The following MTFR1 variants were observed in gnomAD, a reference collection of about 807,000 sequenced individuals.
MTFR1 encodes the protein chondrocyte protein with a poly-proline region.
MTFR1 carries 28 observed loss-of-function variants against 38.8 expected under a neutral mutation model. The ratio of observed to expected loss-of-function variants is 0.72; its 90% confidence interval spans 0.53 to 0.99. The LOEUF (loss-of-function observed/expected upper bound fraction) is 0.99, where lower values mean the gene tolerates loss of function less well. Among genes scored for constraint, MTFR1 ranks in the 50% least tolerant of loss-of-function variants. The probability of loss-of-function intolerance (pLI) is 0.00; values close to 1 mark genes in which losing one functional copy is unlikely to be tolerated. For synonymous variants in MTFR1, 145 were observed against 137.0 expected (o/e 1.06, Z -0.41); for missense variants, 358 against 395.5 (o/e 0.91, Z 0.81).
chr8:65,732,697 G>C (rs770328620), intron 3 of MTFR1, among the ~76,000 whole-genome samples: 9 of 152,150 alleles, frequency 5.9e-5, no homozygotes, highest in Non-Finnish European at 8.8e-5. Context: ...ATTTTTTGTA[G>C]AGATGGGATC....
chr8:65,732,109 A>C (rs1410631134), intron 3 of MTFR1, among the ~76,000 whole-genome samples: 1 of 151,710 alleles, frequency 6.6e-6, no homozygotes, highest in African/African-American at 2.4e-5. Context: ...AGGGATTCTC[A>C]TGTCTCAGCC....
intron 3 of MTFR1, chr8:65,689,632 T>C: frequency 8.0e-7 from 1 of 1,257,294 alleles, no homozygotes; most frequent in South Asian, 1.3e-5. Context: ...AAACTTCCCA[T>C]GCATGTCGTG....
downstream of MTFR1, among the ~76,000 whole-genome samples, chr8:65,775,555 C>A (rs527381884): frequency 3.9e-5 from 6 of 152,286 alleles, no homozygotes; most frequent in Admixed American, 2.6e-4. Context: ...GGTGGCCAGG[C>A]CTTTTTGTTT....
Position 65,692,102 on chromosome 8 carries a change from A to G in MTFR1, c.166-1542A>G, listed in dbSNP as rs566236249. 2.5e-3 allele frequency among the ~76,000 whole-genome samples: 380 copies of G among 152,296 alleles called. 1 individual carries two copies. The highest frequency in any genetic ancestry group is 6.0e-3 in the Admixed American group (92 of 15,288). On this transcript the variant is annotated intron_variant, in intron 3 of 7. Coordinates refer to ENST00000262146, the MANE Select transcript of MTFR1 (RefSeq NM_014637.4). ...GGTAACCTTTTTGATAAACATATTA[A>G]TGACTGAATCTCTTTGGCCTTTTCA...
At chr8:65,684,632 G>T (rs968687621) in intron 3 of MTFR1, among the ~76,000 whole-genome samples, 5 of 151,468 alleles carry the variant, frequency 3.3e-5, no homozygotes, top group African/African-American at 1.2e-4. Context: ...TGATCCATCC[G>T]CCTCAGGCTC....
intron 1 of MTFR1, among the ~76,000 whole-genome samples, chr8:65,667,133 G>A (rs1055791343): frequency 2.0e-5 from 3 of 151,910 alleles, no homozygotes; most frequent in African/African-American, 4.8e-5. Context: ...AAAATTACCC[G>A]GACATGGTGG....
chr8:65,724,242 T>C (rs375232458), intron 3 of MTFR1: 103 of 1,532,658 alleles, frequency 6.7e-5, no homozygotes, highest in South Asian at 4.4e-4. Context: ...TATCACTCAA[T>C]ACTGTAACTT....
the MTFR1 span, among the ~76,000 whole-genome samples, chr8:65,778,198 GC>G: frequency 6.6e-6 from 1 of 152,168 alleles, no homozygotes; most frequent in Non-Finnish European, 1.5e-5. Flanking sequence ...GCGATGTTAT[GC>G]CAGGGTCTGG....
chr8:65,648,894 C>T (rs1444484154), intron 1 of MTFR1, among the ~76,000 whole-genome samples: 1 of 151,982 alleles, frequency 6.6e-6, no homozygotes, highest in Non-Finnish European at 1.5e-5. Flanking sequence ...GCTATCATAG[C>T]TCTAAGATAT....
chr8:65,698,321 G>A (rs1021526966), intron 4 of MTFR1, among the ~76,000 whole-genome samples: 1 of 151,542 alleles, frequency 6.6e-6, no homozygotes, highest in African/African-American at 2.4e-5. Context: ...GCTGTTTTTT[G>A]TAAAGATGGG....
intron 3 of MTFR1, among the ~76,000 whole-genome samples, chr8:65,757,420 G>C (rs75344998): frequency 0.025 from 3,822 of 152,180 alleles, 177 homozygotes; most frequent in African/African-American, 0.086. Context: ...TTAATAACTA[G>C]TCCAGTCCAT....
intron 4 of MTFR1, among the ~76,000 whole-genome samples, chr8:65,696,881 G>A (rs1199586081): frequency 6.6e-6 from 1 of 151,256 alleles, no homozygotes; most frequent in African/African-American, 2.4e-5. Context: ...GGCTGGTCTT[G>A]AACTCCTGAC....
chr8:65,744,328 T>G (rs972358669), intron 3 of MTFR1, among the ~76,000 whole-genome samples: 1 of 152,218 alleles, frequency 6.6e-6, no homozygotes, highest in Non-Finnish European at 1.5e-5. Flanking sequence ...CTAGAAAAGC[T>G]ACCCAAATAA....
chr8:65,758,456 A>T (rs1019440632), intron 3 of MTFR1, among the ~76,000 whole-genome samples: 6 of 152,136 alleles, frequency 3.9e-5, no homozygotes, highest in Non-Finnish European at 8.8e-5. Context: ...CCTTGGCAAG[A>T]ATTTATAGTC....
At chr8:65,659,409 C>A (rs1177724233) in intron 1 of MTFR1, among the ~76,000 whole-genome samples, 1 of 149,992 alleles carries the variant, frequency 6.7e-6, no homozygotes, top group Non-Finnish European at 1.5e-5. Context: ...CAATCAAGAT[C>A]ACTGAACAAA....
chr8:65,712,004 T>C (rs1241641983), downstream of MTFR1, among the ~76,000 whole-genome samples: 1 of 152,154 alleles, frequency 6.6e-6, no homozygotes, highest in African/African-American at 2.4e-5. Context: ...CATAACCCAA[T>C]TGGAAAAGCC....
intron 2 of MTFR1, among the ~76,000 whole-genome samples, chr8:65,679,021 A>C (rs1585769796): frequency 6.6e-6 from 1 of 152,328 alleles, no homozygotes; most frequent in South Asian, 2.1e-4. Flanking sequence ...GAATGCTAAA[A>C]GCAGGCAGAA....
At chr8:65,670,974 C>T (rs761772085) in intron 2 of MTFR1, among the ~76,000 whole-genome samples, 2 of 152,120 alleles carry the variant, frequency 1.3e-5, no homozygotes, top group African/African-American at 2.4e-5. Flanking sequence ...GGATTATAGA[C>T]GTGGACCACT....
At chr8:65,652,355 C>T (rs1809146903) in intron 1 of MTFR1, among the ~76,000 whole-genome samples, 1 of 152,072 alleles carries the variant, frequency 6.6e-6, no homozygotes, top group African/African-American at 2.4e-5. Context: ...CCTCCACCTC[C>T]CAAAGTGCTG....
Sources: gnomAD v4.1 joint callset for allele counts (sites outside exome capture counted in the v4.1 genomes callset) on GRCh38, gnomAD v4.1.1 for gene constraint, MANE v1.5 for transcripts, NCBI Gene and HGNC (gene_info 2026-07-23, HGNC 2026-07-21) for gene names.